DIP2B: variants seen among roughly 807,000 people sequenced by gnomAD.
The protein encoded by DIP2B is DIP2 acetate--CoA ligase B (putative).
In DIP2B, 76 loss-of-function variants were observed where a neutral mutation model predicts 198.0. The ratio of observed to expected loss-of-function variants is 0.38; its 90% CI spans 0.32 to 0.46. The LOEUF is 0.46. Among genes scored for constraint, DIP2B ranks in the 20% least tolerant of loss-of-function variants. The pLI, the probability that DIP2B is intolerant of heterozygous loss-of-function variation, is 0.99. For synonymous variants in DIP2B, 701 were observed against 739.1 expected, an observed-to-expected ratio of 0.95 and a Z score of 0.84; for missense variants, 1,559 against 1,978.4, an observed-to-expected ratio of 0.79 and a Z score of 4.02.
chr12:50,681,776 A>G (rs1046915503), intron 9 of DIP2B, among the ~76,000 whole-genome samples: 1 of 152,228 alleles, frequency 6.6e-6, no homozygotes, highest in Non-Finnish European at 1.5e-5. Flanking sequence ...CAAAGGGCAC[A>G]TAAAGGATGG....
intron 1 of DIP2B, among the ~76,000 whole-genome samples, chr12:50,553,414 A>G (rs774524628): frequency 3.3e-5 from 5 of 152,198 alleles, no homozygotes; most frequent in Admixed American, 6.5e-5. Context: ...CACTTAGCAC[A>G]GGCACCCTGT....
intron 1 of DIP2B, among the ~76,000 whole-genome samples, chr12:50,532,677 A>C (rs1030306836): frequency 6.6e-6 from 1 of 152,188 alleles, no homozygotes; most frequent in African/African-American, 2.4e-5. Flanking sequence ...GATGTGCCAG[A>C]GAAGATGAGT....
At chr12:50,511,119 G>T (rs1335476255) in intron 1 of DIP2B, among the ~76,000 whole-genome samples, 1 of 149,540 alleles carries the variant, frequency 6.7e-6, no homozygotes, top group Non-Finnish European at 1.5e-5. Flanking sequence ...CTAATTTTTT[G>T]TGTCTTTAGT....
chr12:50,666,799 A>G (rs1351134414), intron 4 of DIP2B, among the ~76,000 whole-genome samples: 1 of 151,972 alleles, frequency 6.6e-6, no homozygotes, highest in East Asian at 1.9e-4. Flanking sequence ...AGGTGGGTGG[A>G]TCACGAGGTC....
chr12:50,605,764 T>G (rs1420966843), intron 1 of DIP2B, among the ~76,000 whole-genome samples: 1 of 152,216 alleles, frequency 6.6e-6, no homozygotes, highest in African/African-American at 2.4e-5. Flanking sequence ...TGTTGCAGCA[T>G]GTATCAGTAC....
At chr12:50,635,340 A>G (rs1427240523) in intron 2 of DIP2B, among the ~76,000 whole-genome samples, 1 of 152,134 alleles carries the variant, frequency 6.6e-6, no homozygotes, top group Non-Finnish European at 1.5e-5. Context: ...ATGTTTCTGC[A>G]TTGTTTTTCC....
chr12:50,731,409 G>C lies in DIP2B; in HGVS notation c.3682G>C (p.Glu1228Gln), dbSNP rs1424845723. ...GHQSVLIPPM[E>Q]LENNLFLWLS... ...CCAGTCTGTCTTAATTCCTCCTATG[G>C]AGTTAGAGAACAACCTTTTCCTCTG... Residue 1228 changes from glutamate (E) to glutamine (Q), a missense_variant, in exon 31 of 38, where the codon GAG becomes CAG. Transcript: ENST00000301180. The C allele has an allele frequency of 6.2e-7, 1 of 1,614,112 alleles. No homozygotes were observed. Among genetic ancestry groups the C allele is most frequent in the Admixed American group, 1.7e-5 (1 of 60,020 alleles).
At chr12:50,523,864 C>T (rs1958141000) in intron 1 of DIP2B, among the ~76,000 whole-genome samples, 3 of 152,144 alleles carry the variant, frequency 2.0e-5, no homozygotes, top group African/African-American at 7.2e-5. Context: ...CTCCATAGGA[C>T]ATCAGAATAG....
intron 1 of DIP2B, among the ~76,000 whole-genome samples, chr12:50,539,236 CT>C (rs11336743): frequency 0.64 from 86,961 of 135,166 alleles, 27,314 homozygotes; most frequent in Non-Finnish European, 0.69. Context: ...TTTCTTTTTT[CT>C]TTTTTTTTTT....
chr12:50,552,749 C>CT (rs1958437688), intron 1 of DIP2B, among the ~76,000 whole-genome samples: 1 of 151,948 alleles, frequency 6.6e-6, no homozygotes, highest in African/African-American at 2.4e-5. Context: ...TATTATTAAG[C>CT]TTTTCTTCCA....
intron 1 of DIP2B, among the ~76,000 whole-genome samples, chr12:50,620,343 C>T (rs975426819): frequency 6.6e-6 from 1 of 152,196 alleles, no homozygotes; most frequent in Admixed American, 6.5e-5. Flanking sequence ...TTCATTGATC[C>T]CAGGTGGTGA....
chr12:50,694,552 CATACAT>C (rs1939275898), intron 14 of DIP2B, among the ~76,000 whole-genome samples: 1 of 123,318 alleles, frequency 8.1e-6, no homozygotes, highest in African/African-American at 2.9e-5. Context: ...TACATACATA[CATACAT>C]ACACCAGTCC....
intron 1 of DIP2B, among the ~76,000 whole-genome samples, chr12:50,539,224 CTTTTCTT>C (rs1374562901): frequency 7.7e-5 from 10 of 129,822 alleles, no homozygotes; most frequent in African/African-American, 2.8e-4. Context: ...GTAGCTCGCT[CTTTTCTT>C]TTTTCTTTTT....
chr12:50,539,447 G>A (rs540143976), intron 1 of DIP2B, among the ~76,000 whole-genome samples: 13 of 151,764 alleles, frequency 8.6e-5, no homozygotes, highest in East Asian at 3.9e-4. Flanking sequence ...GTGAAACCCC[G>A]TCTCTACTAA....
rs140604585 is a variant in DIP2B, at chr12:50,731,382, C to T, written c.3655C>T (p.His1219Tyr). Residue 1219 changes from histidine (H) to tyrosine (Y), a missense_variant, in exon 31 of 38, where the codon CAC becomes TAC. Transcript: ENST00000301180. ...LWCLCSVYSGHQSVLIPPMEL... is the reference protein window; with the variant it reads ...LWCLCSVYSGYQSVLIPPMEL... ...CTTTCACTGCAGTGTCTATTCAGGC[C>T]ACCAGTCTGTCTTAATTCCTCCTAT... 39 of 1,613,792 alleles carry T rather than the reference C, an allele frequency of 2.4e-5. No homozygotes were observed. Among genetic ancestry groups the T allele is most frequent in the Non-Finnish European group, 3.2e-5 (38 of 1,179,846 alleles).
intron 37 of DIP2B, among the ~76,000 whole-genome samples, chr12:50,742,419 A>AAAAAAAAAAAAAAC (rs1565888390): frequency 5.2e-5 from 4 of 77,336 alleles, no homozygotes; most frequent in Admixed American, 1.2e-4. Context: ...AAAAAAAAAA[A>AAAAAAAAAAAAAAC]AAACCACCTC....
chr12:50,536,269 G>GTACATACATACA (rs1555182421), intron 1 of DIP2B, among the ~76,000 whole-genome samples: 2 of 56,322 alleles, frequency 3.6e-5, no homozygotes, highest in Non-Finnish European at 7.3e-5. Context: ...TACTAAATAC[G>GTACATACATACA]TGCATACATA....
intron 3 of DIP2B, among the ~76,000 whole-genome samples, chr12:50,653,298 C>A (rs1253726584): frequency 1.4e-5 from 2 of 147,382 alleles, no homozygotes; most frequent in African/African-American, 5.0e-5. Context: ...CCAATTTTTG[C>A]CAGGTAATGA....
In DIP2B at chr12:50,728,560, G is replaced by A. The variant is rs755833370; in HGVS notation, c.3523G>A (p.Ala1175Thr). 23 of 1,613,764 alleles carry A rather than the reference G, an allele frequency of 1.4e-5. No homozygotes were observed. The highest frequency in any genetic ancestry group is 3.3e-5 in the Admixed American group (2 of 59,994). Residue 1175 changes from alanine (A) to threonine (T), a missense_variant, in exon 30 of 38, where the codon GCA becomes ACA. Physicochemically the swap from Ala to Thr is moderately conservative, Grantham distance 58. Coordinates refer to ENST00000301180, the MANE Select transcript of DIP2B (RefSeq NM_173602.3). ...MLTGVKMSHS[A>T]VNALCRAIKL... Reference sequence around the variant, plus strand: ...CCATACTTTCCAGATGTCCCACTCTGCAGTGAACGCTCTGTGTCGAGCCAT... The same window carrying A: ...CCATACTTTCCAGATGTCCCACTCTACAGTGAACGCTCTGTGTCGAGCCAT...
Sources: allele counts gnomAD v4.1 joint callset (sites outside exome capture counted in the v4.1 genomes callset), GRCh38; gene constraint gnomAD v4.1.1; transcripts MANE v1.5; gene names NCBI Gene and HGNC (gene_info 2026-07-23, HGNC 2026-07-21).